The following TNKS1BP1 variants were observed in gnomAD, a reference collection of about 807,000 sequenced individuals.
TNKS1BP1 encodes the protein 182 kDa tankyrase-1-binding protein.
A neutral mutation model predicts 141.1 loss-of-function variants in TNKS1BP1; 48 were observed. The ratio of observed to expected loss-of-function variants is 0.34; its 90% CI spans 0.27 to 0.43. The LOEUF is 0.43. Ranked by LOEUF, TNKS1BP1 falls within the 20% of genes least tolerant of loss-of-function variation. The pLI is 1.00. For missense variants in TNKS1BP1, 2,149 were observed against 2,226.0 expected, an observed-to-expected ratio of 0.97 and a Z score of 0.70; for synonymous variants, 875 against 898.2, an observed-to-expected ratio of 0.97 and a Z score of 0.46.
At chr11:57,321,746 C>CCCCCGCCCCGCCCCCGGG in intron 2 of TNKS1BP1, 46 bp downstream of exon 2, 1 of 822,410 alleles carries the variant, frequency 1.2e-6, no homozygotes, top group Non-Finnish European at 2.1e-6. Context: ...TCTGTCCTTC[C>CCCCCGCCCCGCCCCCGGG]CACCCCCCTC....
intron 3 of TNKS1BP1, among the ~76,000 whole-genome samples, chr11:57,318,375 C>A (rs781142543): frequency 3.3e-5 from 5 of 152,194 alleles, no homozygotes; most frequent in Non-Finnish European, 7.3e-5. Flanking sequence ...AGGAAGATGG[C>A]GGGTGGAACC....
At chr11:57,317,588 T>G (rs1318823580) in intron 4 of TNKS1BP1, among the ~76,000 whole-genome samples, 6 of 152,236 alleles carry the variant, frequency 3.9e-5, no homozygotes, top group African/African-American at 1.4e-4. Flanking sequence ...GATACTATCA[T>G]TACTGTTTAT....
At position 57,321,701 on chromosome 11, in the gene TNKS1BP1, T is replaced by C. The variant is rs1855888354; in HGVS notation, c.94+91A>G. 4 of 1,466,160 alleles carry C rather than the reference T, an allele frequency of 2.7e-6. No individual in the cohort carries two copies. In the South Asian group the frequency reaches 5.3e-5, roughly 20 times the overall value. 90.8% of individuals were successfully genotyped at this position (1,466,160 alleles called of 1,614,324 possible). On this transcript the variant is annotated intron_variant, in intron 2 of 11. Coordinates refer to ENST00000358252, the MANE Select transcript of TNKS1BP1 (RefSeq NM_033396.3). ...TTCCCTATCTCAACAGAATCATCAC[T>C]CAACCACCCCCCAAGACAGAAAGAG...
Position 57,302,190 on chromosome 11 carries a change from C to G in TNKS1BP1, c.4718G>C (p.Ser1573Thr), listed in dbSNP as rs1855535210. The G allele has an allele frequency of 6.2e-7, 1 of 1,613,006 alleles. No individual in the cohort carries two copies. Among genetic ancestry groups the G allele is most frequent in the African/African-American group, 1.3e-5 (1 of 74,932 alleles). The change falls in exon 8 of 12, where the codon AGC becomes ACC. Residue 1573 changes from serine (S) to threonine (T), a missense_variant. Coordinates refer to ENST00000358252, the MANE Select transcript of TNKS1BP1 (RefSeq NM_033396.3). This position sits in a 1 kb window ranked among gnomAD's most constrained non-coding sequence, Gnocchi z 5.5. ...ACGCTTGCGCCCCAAGTTGGCACGG[C>G]TCCGATACATGGCACTGTCGAGGAT... ...TEILDSAMYRSRANLGRKRGH... is the reference protein window; with the variant it reads ...TEILDSAMYRTRANLGRKRGH...
chr11:57,301,921 T>G lies in TNKS1BP1; in HGVS notation c.4857A>C (p.Pro1619=). 6.2e-7 allele frequency: 1 copy of G among 1,613,784 alleles called. No homozygotes were observed. Among genetic ancestry groups the G allele is most frequent in the Non-Finnish European group, 8.5e-7 (1 of 1,179,930 alleles). Residue 1619 remains proline (P), a synonymous_variant, in exon 9 of 12, where the codon CCA becomes CCC. Transcript: ENST00000358252. ...CCTCCACTACCTCTTCATCTGAAGA[T>G]GGCACCCGAGATGCCCGTGGCTCTG... is the stretch of plus-strand genomic sequence containing the variant. The part of the protein sequence containing the change: ...DSTEPRASRV[P]SSDEEVVEEP...
At position 57,324,907 on chromosome 11, in the gene TNKS1BP1, T is replaced by C. The variant is rs996622725; in HGVS notation, c.-133A>G. 123 of 983,270 alleles carry C rather than the reference T, an allele frequency of 1.3e-4. No individual in the cohort carries two copies. The highest frequency in any genetic ancestry group is 6.4e-4 in the African/African-American group (36 of 56,274). 60.9% of individuals were successfully genotyped at this position (983,270 alleles called of 1,614,324 possible). On this transcript the variant is annotated 5_prime_UTR_variant, in exon 1 of 12. Coordinates refer to ENST00000358252, the MANE Select transcript of TNKS1BP1 (RefSeq NM_033396.3). ...TGCCAGTCCCCGCCGCCGCCGCCGC[T>C]GCTACCGCCGCCGCCGCCGCCGTCA...
At position 57,312,503 on chromosome 11, in the gene TNKS1BP1, G is replaced by T. The variant is rs747269267; in HGVS notation, c.2154+31C>A. The T allele has an allele frequency of 4.2e-6, 6 of 1,429,764 alleles. No homozygotes were observed. In the African/African-American group the frequency reaches 5.8e-5, roughly 14 times the overall value. 88.6% of individuals were successfully genotyped at this position (1,429,764 alleles called of 1,614,324 possible). On this transcript the variant is annotated intron_variant, in intron 5 of 11. Coordinates refer to ENST00000358252, the MANE Select transcript of TNKS1BP1 (RefSeq NM_033396.3). ...ACCCAAGCCCTGGCCTCTGTCCCCA[G>T]AAGTCCCATTCTCCCTATGCCCATT...
At chr11:57,303,021 G>A in intron 6 of TNKS1BP1, 196 bp from the exon 7 acceptor site, 1 of 592,770 alleles carries the variant, frequency 1.7e-6, no homozygotes, top group Admixed American at 3.6e-5. Flanking sequence ...CAGTCTGGCA[G>A]GTTCAAATCC....
intron 10 of TNKS1BP1, 31 bp downstream of exon 10, chr11:57,300,853 T>A: frequency 1.2e-6 from 2 of 1,604,886 alleles, no homozygotes; most frequent in Non-Finnish European, 1.7e-6. Context: ...TACAGTGAGG[T>A]CAGCGGATGC....
chr11:57,321,973 A>C, intron 1 of TNKS1BP1, 23 bp from the exon 2 acceptor site: 3 of 1,538,712 alleles, frequency 1.9e-6, no homozygotes, highest in Non-Finnish European at 2.6e-6. Context: ...AGAGAAGAGA[A>C]GGAAAAAAAG....
In TNKS1BP1 at chr11:57,311,115, C is replaced by T. The variant is rs922277056; in HGVS notation, c.2155-559G>A. 16 of 558,562 alleles carry T rather than the reference C, an allele frequency of 2.9e-5. No homozygotes were observed. The African/African-American group carries it at 3.0e-4, about 11-fold the overall frequency. 34.6% of individuals were successfully genotyped at this position (558,562 alleles called of 1,614,324 possible). A position where few individuals can be genotyped will look rare whatever the true frequency, so the allele number is the denominator to read the frequency against. ...AAAGTGCCGTCTGCTCAATCTTCCC[C>T]AGGAAGACCTCTCAGCCCTCACCCT... On this transcript the variant is annotated intron_variant, in intron 5 of 11. Transcript: ENST00000358252.
Position 57,313,353 on chromosome 11 carries a change from G to GC in TNKS1BP1, c.1334dup (p.Ser446LeufsTer57). On this transcript the variant is annotated frameshift_variant, in exon 5 of 12. Coordinates refer to ENST00000358252, the MANE Select transcript of TNKS1BP1 (RefSeq NM_033396.3). LOFTEE classifies it high-confidence loss of function. ...GGCCTTGGGGCAGGGCAGCCAGCGA[G>GC]CCCCCCAGCTTCTCCTGGTCCTGAC... The GC allele has an allele frequency of 2.5e-6, 4 of 1,612,682 alleles. No individual in the cohort carries two copies. The highest frequency in any genetic ancestry group is 1.7e-6 in the Non-Finnish European group (2 of 1,179,734).
At chr11:57,316,436 G>A (rs1325559146) in intron 4 of TNKS1BP1, among the ~76,000 whole-genome samples, 4 of 151,976 alleles carry the variant, frequency 2.6e-5, no homozygotes, top group Non-Finnish European at 4.4e-5. Flanking sequence ...CCAACCATCC[G>A]CTTGACGTTT....
intron 5 of TNKS1BP1, chr11:57,311,361 C>G (rs1855707013): frequency 2.0e-6 from 2 of 985,660 alleles, no homozygotes; most frequent in African/African-American, 1.7e-5. Context: ...CAGGCTGGGC[C>G]ATGGCCCCCC....
chr11:57,319,996 T>G (rs1273205670), intron 3 of TNKS1BP1, 83 bp downstream of exon 3: 1 of 1,552,070 alleles, frequency 6.4e-7, no homozygotes, highest in African/African-American at 1.4e-5. Flanking sequence ...TATGGGGCCA[T>G]GCACTTGGTC....
At chr11:57,310,676 C>G in intron 5 of TNKS1BP1, 120 bp from the exon 6 acceptor site, 2 of 1,334,980 alleles carry the variant, frequency 1.5e-6, no homozygotes, top group Non-Finnish European at 2.0e-6. Context: ...CAACAGAAAG[C>G]TGTGTGACCT....
chr11:57,309,820 C>T lies in TNKS1BP1; in HGVS notation c.2891G>A (p.Gly964Asp). 1 of 1,614,192 alleles carries T rather than the reference C, an allele frequency of 6.2e-7. No homozygotes were observed. ...KSAWIRDYSS[G>D]GSSRTLDAQD... is the part of the protein sequence containing the mutation. ...GGCGTCAAGGGTCCTGGAGCTGCCA[C>T]CACTGCTGTAGTCCCTTATCCAAGC... The change falls in exon 6 of 12, where the codon GGT becomes GAT. Residue 964 changes from glycine to aspartate, a missense_variant. By Grantham distance (94) the Gly-to-Asp change is moderately conservative. Coordinates refer to ENST00000358252, the MANE Select transcript of TNKS1BP1 (RefSeq NM_033396.3). The surrounding 1 kb of genome is among the most constrained non-coding windows in gnomAD (Gnocchi z 4.3).
chr11:57,314,759 C>G (rs1309884403), intron 4 of TNKS1BP1, among the ~76,000 whole-genome samples: 1 of 152,124 alleles, frequency 6.6e-6, no homozygotes, highest in Non-Finnish European at 1.5e-5. Context: ...TGAAGTGACT[C>G]TGGCTCCATC....
Position 57,324,882 on chromosome 11 carries a change from T to G in TNKS1BP1, c.-108A>C. 1.0e-6 allele frequency: 1 copy of G among 990,776 alleles called. No individual in the cohort carries two copies. The highest frequency in any genetic ancestry group is 1.2e-6 in the Non-Finnish European group (1 of 834,856). 61.4% of individuals were successfully genotyped at this position (990,776 alleles called of 1,614,324 possible). A position where few individuals can be genotyped will look rare whatever the true frequency, so the allele number is the denominator to read the frequency against. ...GGCTCCGCTCGGCTCGGGGCCCCGA[T>G]GCCAGTCCCCGCCGCCGCCGCCGCT... On this transcript the variant is annotated 5_prime_UTR_variant, in exon 1 of 12. Coordinates refer to ENST00000358252, the MANE Select transcript of TNKS1BP1 (RefSeq NM_033396.3).
Sources: allele counts gnomAD v4.1 joint callset (sites outside exome capture counted in the v4.1 genomes callset), GRCh38; gene constraint gnomAD v4.1.1; non-coding constraint Gnocchi (gnomAD v3.1); transcripts MANE v1.5; gene names NCBI Gene and HGNC (gene_info 2026-07-23, HGNC 2026-07-21).